TFPT: variants seen among roughly 807,000 people sequenced by gnomAD.
TFPT encodes TCF3 fusion partner, also known as INO80 complex subunit F.
A neutral mutation model predicts 28.8 loss-of-function variants in TFPT; 27 were observed. The observed-to-expected ratio is 0.94, with a 90% CI of 0.69 to 1.29. The LOEUF is 1.29. Ranked by LOEUF, TFPT falls within the 50% of genes most tolerant of loss-of-function variation. The probability of loss-of-function intolerance (pLI) is 0.00; values close to 1 mark genes in which losing one functional copy is unlikely to be tolerated. For synonymous variants in TFPT, 152 were observed against 142.8 expected, an observed-to-expected ratio of 1.06 and a Z score of -0.46; for missense variants, 330 against 338.0, an observed-to-expected ratio of 0.98 and a Z score of 0.19.
chr19:54,108,603 T>C, intron 3 of TFPT: 1 of 1,541,794 alleles, frequency 6.5e-7, no homozygotes, highest in Middle Eastern at 1.7e-4. Context: ...ATTCTGAGGC[T>C]GAGTTTCCTG....
chr19:54,107,345 C>T (rs2073299630), intron 5 of TFPT, 176 bp from the exon 6 acceptor site: 3 of 787,368 alleles, frequency 3.8e-6, no homozygotes, highest in East Asian at 5.3e-5. Flanking sequence ...GCCTCCCAGG[C>T]TCAAGTGATC....
intron 1 of TFPT, 70 bp from the exon 2 acceptor site, chr19:54,114,770 A>G (rs1255097966): frequency 8.5e-6 from 13 of 1,534,282 alleles, no homozygotes; most frequent in Non-Finnish European, 1.1e-5. Flanking sequence ...CTGAACCAGG[A>G]GCCCAGACCC....
At chr19:54,114,760 C>T in intron 1 of TFPT, 60 bp from the exon 2 acceptor site, 3 of 1,481,496 alleles carry the variant, frequency 2.0e-6, no homozygotes, top group Non-Finnish European at 2.7e-6. Flanking sequence ...CCTTCTCCCA[C>T]TGAACCAGGA....
At chr19:54,108,581 G>C in intron 3 of TFPT, 186 bp from the exon 4 acceptor site, 1 of 1,576,850 alleles carries the variant, frequency 6.3e-7, no homozygotes, top group Non-Finnish European at 8.6e-7. Flanking sequence ...CCTCGAGCAA[G>C]ACAAGGCAAC....
intron 2 of TFPT, among the ~76,000 whole-genome samples, chr19:54,111,662 A>C (rs1167321376): frequency 7.2e-6 from 1 of 139,796 alleles, no homozygotes; most frequent in African/African-American, 2.7e-5. Context: ...CCTGGGTGAC[A>C]GAGTAAGACT....
chr19:54,114,469 T>A lies in TFPT; in HGVS notation c.255A>T (p.Leu85=), dbSNP rs2073554427. 6.2e-7 allele frequency: 1 copy of A among 1,613,558 alleles called. No individual in the cohort carries two copies. Among genetic ancestry groups the A allele is most frequent in the East Asian group, 2.2e-5 (1 of 44,894 alleles). ...GCTCGATCTCCCGGCAGCGCCGACC[T>A]AGTGCCTGGTACTTTCTGCGATTTA... is the stretch of plus-strand genomic sequence containing the variant. ...RELNRRKYQA[L]GRRCREIEQV... Residue 85 remains leucine (L), a synonymous_variant, in exon 2 of 6, where the codon CTA becomes CTT. Transcript: ENST00000391759.
intron 2 of TFPT, among the ~76,000 whole-genome samples, chr19:54,111,343 G>A (rs1423670118): frequency 2.6e-5 from 4 of 151,882 alleles, no homozygotes; most frequent in African/African-American, 9.7e-5. Context: ...AGGAGTTCAA[G>A]ACCAGCCTGG....
At chr19:54,110,578 A>G (rs1244785596) in intron 2 of TFPT, among the ~76,000 whole-genome samples, 2 of 152,062 alleles carry the variant, frequency 1.3e-5, no homozygotes, top group Admixed American at 6.6e-5. Flanking sequence ...AATACAAAAA[A>G]TTAGCTGGGC....
At chr19:54,114,934 C>A in intron 1 of TFPT, 1 of 687,374 alleles carries the variant, frequency 1.5e-6, no homozygotes, top group South Asian at 2.0e-5. Flanking sequence ...CCCTGACCCC[C>A]TCCTCCCAGG....
At chr19:54,112,883 A>G (rs587730755) in intron 2 of TFPT, among the ~76,000 whole-genome samples, 1 of 152,210 alleles carries the variant, frequency 6.6e-6, no homozygotes, top group South Asian at 2.1e-4. Flanking sequence ...ACCTGAGGTC[A>G]GGAGTTTGAG....
At chr19:54,110,213 G>A in intron 2 of TFPT, 92 bp from the exon 3 acceptor site, 6 of 1,395,120 alleles carry the variant, frequency 4.3e-6, no homozygotes, top group South Asian at 1.2e-5. Context: ...AAACTCTGGA[G>A]ACTGGCCAAA....
At chr19:54,113,782 T>C (rs181924358) in intron 2 of TFPT, among the ~76,000 whole-genome samples, 345 of 152,200 alleles carry the variant, frequency 2.3e-3, no homozygotes, top group African/African-American at 7.2e-3. Flanking sequence ...ACCTCCGCCT[T>C]CCGGGTTCAA....
rs141461777 is a variant in TFPT, at chr19:54,108,357, T to C, written c.392A>G (p.Tyr131Cys). The change falls in exon 4 of 6, where the codon TAC becomes TGC. Residue 131 changes from tyrosine to cysteine, a missense_variant. Coordinates refer to ENST00000391759, the MANE Select transcript of TFPT (RefSeq NM_013342.4). ...CACAATGGTGAACTGGCTGGCCCGG[T>C]AGTCATCCCCGTAGGAGTCCAGCAC... ...MRVLDSYGDDYRASQFTIVLE... is the reference protein window; with the variant it reads ...MRVLDSYGDDCRASQFTIVLE... 11 of 1,610,708 alleles carry C rather than the reference T, an allele frequency of 6.8e-6. No homozygotes were observed. Among genetic ancestry groups the C allele is most frequent in the East Asian group, 2.2e-5 (1 of 44,678 alleles).
intron 3 of TFPT, chr19:54,108,729 G>C: frequency 1.1e-6 from 1 of 905,896 alleles, no homozygotes; most frequent in Non-Finnish European, 1.6e-6. Context: ...ATTCATATGT[G>C]AGTTATAATT....
chr19:54,111,511 A>AAAT (rs2073453367), intron 2 of TFPT, among the ~76,000 whole-genome samples: 3 of 151,516 alleles, frequency 2.0e-5, no homozygotes, highest in South Asian at 4.1e-4. Flanking sequence ...AAAAAAAAAA[A>AAAT]AAAAAGAAAA....
At chr19:54,110,518 G>A (rs1270892888) in intron 2 of TFPT, among the ~76,000 whole-genome samples, 1 of 152,160 alleles carries the variant, frequency 6.6e-6, no homozygotes, top group African/African-American at 2.4e-5. Context: ...CCTGAGGTCA[G>A]GAGTTCGAGA....
chr19:54,112,884 G>A (rs1186683329), intron 2 of TFPT, among the ~76,000 whole-genome samples: 3 of 152,056 alleles, frequency 2.0e-5, no homozygotes, highest in African/African-American at 7.2e-5. Context: ...CCTGAGGTCA[G>A]GAGTTTGAGA....
intron 5 of TFPT, 23 bp from the exon 6 acceptor site, chr19:54,107,192 T>G (rs774860871): frequency 1.9e-6 from 3 of 1,602,562 alleles, no homozygotes; most frequent in Non-Finnish European, 2.6e-6. Flanking sequence ...AGGAACAAGG[T>G]GTTAACAGGC....
chr19:54,114,434 T>A lies in TFPT; in HGVS notation c.282+8A>T, dbSNP rs1392381393. On this transcript the variant is annotated splice_region_variant and intron_variant, in intron 2 of 5. Transcript: ENST00000391759. ...GACCCCAAAACCGGGGGATCCGCAC[T>A]CACCTACCTGCTCGATCTCCCGGCA... is the stretch of plus-strand genomic sequence containing the variant. The A allele has an allele frequency of 1.9e-6, 3 of 1,609,328 alleles. No individual in the cohort carries two copies. The highest frequency in any genetic ancestry group is 1.7e-5 in the Admixed American group (1 of 59,844).
Sources: gnomAD v4.1 joint callset for allele counts (sites outside exome capture counted in the v4.1 genomes callset) on GRCh38, gnomAD v4.1.1 for gene constraint, MANE v1.5 for transcripts, NCBI Gene and HGNC (gene_info 2026-07-23, HGNC 2026-07-21) for gene names.